The following DST variants were observed in gnomAD, a reference collection of about 807,000 sequenced individuals.
DST encodes the protein dystonin, also known as bullous pemphigoid antigen.
DST carries 253 observed loss-of-function variants against 875.2 expected under a neutral mutation model. The observed-to-expected ratio is 0.29, with a 90% CI of 0.26 to 0.32. The LOEUF (loss-of-function observed/expected upper bound fraction) is 0.32, where lower values mean the gene tolerates loss of function less well. DST is among the 10% of genes least tolerant of loss of function. The pLI is 1.00. For missense variants in DST, 8,287 were observed against 9,111.6 expected (o/e 0.91, Z 3.68); for synonymous variants, 3,124 against 3,197.1 (o/e 0.98, Z 0.77).
intron 63 of DST, among the ~76,000 whole-genome samples, chr6:56,534,411 G>C (rs963612878): frequency 8.6e-5 from 13 of 151,834 alleles, no homozygotes; most frequent in African/African-American, 3.1e-4. Flanking sequence ...TTGCTATCAG[G>C]GGCACAAAAA....
intron 4 of DST, among the ~76,000 whole-genome samples, chr6:56,797,909 G>C (rs529869585): frequency 3.4e-5 from 5 of 145,662 alleles, no homozygotes; most frequent in African/African-American, 1.0e-4. Flanking sequence ...CAGTGATCTA[G>C]ACAGAAATTC....
At chr6:56,780,668 T>C (rs534015384) in intron 4 of DST, among the ~76,000 whole-genome samples, 23 of 151,530 alleles carry the variant, frequency 1.5e-4, no homozygotes, top group Middle Eastern at 6.8e-3. Flanking sequence ...TTCTCCCATT[T>C]TGTAGGTTGC....
In DST at chr6:56,518,914, A is replaced by T. The variant is rs80204733; in HGVS notation, c.18130-1294T>A. Among the ~76,000 whole-genome samples, 1,481 of 152,314 alleles carry T rather than the reference A, an allele frequency of 9.7e-3. 25 individuals carry two copies. Among genetic ancestry groups the T allele is most frequent in the African/African-American group, 0.033 (1,363 of 41,564 alleles). ...GGTGGAGATAAGAAACTAGATTTTT[A>T]AAAATTCATACTTTAAAAACTCTGC... On this transcript the variant is annotated intron_variant, in intron 69 of 103. Transcript: ENST00000680361.
At chr6:56,657,722 T>C (rs1192564679) in intron 10 of DST, among the ~76,000 whole-genome samples, 1 of 152,188 alleles carries the variant, frequency 6.6e-6, no homozygotes, top group African/African-American at 2.4e-5. Flanking sequence ...TTAAAACTGA[T>C]TAAGATGGTA....
Position 56,561,552 on chromosome 6 carries a change from A to T in DST, c.14069-3T>A. 1 of 1,607,162 alleles carries T rather than the reference A, an allele frequency of 6.2e-7. No homozygotes were observed. The highest frequency in any genetic ancestry group is 8.5e-7 in the Non-Finnish European group (1 of 1,176,740). On this transcript the variant is annotated splice_polypyrimidine_tract_variant and splice_region_variant and intron_variant, in intron 56 of 103. Coordinates refer to ENST00000680361, the MANE Select transcript of DST (RefSeq NM_001374736.1). ...GTCCTTTTTAATGGATGTTAAACCT[A>T]GGAGTAAGAAAAACAACTATACTGA...
intron 4 of DST, among the ~76,000 whole-genome samples, chr6:56,849,737 C>T (rs1439952003): frequency 6.6e-6 from 1 of 152,172 alleles, no homozygotes; most frequent in African/African-American, 2.4e-5. Flanking sequence ...CCCTAACAAA[C>T]ACCTGCCCTG....
At chr6:56,702,842 C>T (rs1201477899) in intron 7 of DST, among the ~76,000 whole-genome samples, 1 of 152,086 alleles carries the variant, frequency 6.6e-6, no homozygotes, top group East Asian at 1.9e-4. Context: ...GACAGCTTGG[C>T]TTCTTCAATA....
At chr6:56,473,201 AT>A (rs987921379) in intron 93 of DST, among the ~76,000 whole-genome samples, 44 of 152,346 alleles carry the variant, frequency 2.9e-4, no homozygotes, top group African/African-American at 8.9e-4. Context: ...GAGTCTGGCT[AT>A]AGGGCTCTTA....
At chr6:56,840,358 TA>T (rs1200971087) in intron 4 of DST, among the ~76,000 whole-genome samples, 10 of 152,146 alleles carry the variant, frequency 6.6e-5, no homozygotes, top group African/African-American at 2.4e-4. Flanking sequence ...ACTATAGATA[TA>T]AAAGAAAGCC....
chr6:56,770,733 G>T (rs1318285910), intron 4 of DST, among the ~76,000 whole-genome samples: 1 of 152,168 alleles, frequency 6.6e-6, no homozygotes, highest in Admixed American at 6.5e-5. Flanking sequence ...GGGCACAGTG[G>T]CTCATGCCTG....
At chr6:56,800,174 C>T (rs148678289) in intron 4 of DST, among the ~76,000 whole-genome samples, 3 of 152,022 alleles carry the variant, frequency 2.0e-5, no homozygotes, top group African/African-American at 7.2e-5. Context: ...CTGTGGGAAC[C>T]GAGTAGACAA....
intron 2 of DST, among the ~76,000 whole-genome samples, chr6:56,907,854 T>C (rs1592335669): frequency 6.6e-6 from 1 of 152,182 alleles, no homozygotes; most frequent in East Asian, 1.9e-4. Flanking sequence ...AATTAACACG[T>C]TGACCCACTG....
rs754444028 is a variant in DST, at chr6:56,492,280, G to A, written c.20704C>T (p.Arg6902Trp). ...VQSRWEKVVQ[R>W]LVERGRSLDD... is the part of the protein sequence containing the mutation. The stretch of plus-strand genomic sequence containing the variant: ...AAAGATCTTCCTCTCTCTACCAACC[G>A]TTGAACCACTTTTTCCCATCGACTT... The change falls in exon 85 of 104, where the codon CGG becomes TGG. Residue 6902 changes from arginine to tryptophan, a missense_variant. Physicochemically the swap from Arg to Trp is moderately radical, Grantham distance 101. Coordinates refer to ENST00000680361, the MANE Select transcript of DST (RefSeq NM_001374736.1). 1.5e-5 allele frequency: 24 copies of A among 1,613,800 alleles called. No individual in the cohort carries two copies. In the East Asian group the frequency reaches 2.7e-4, roughly 18 times the overall value.
At chr6:56,594,864 C>T (rs1364062634) in intron 47 of DST, among the ~76,000 whole-genome samples, 1 of 152,184 alleles carries the variant, frequency 6.6e-6, no homozygotes, top group African/African-American at 2.4e-5. Context: ...ATATGTAGAG[C>T]ACTTCCTGCA....
intron 4 of DST, among the ~76,000 whole-genome samples, chr6:56,808,203 A>G (rs80040355): frequency 0.018 from 2,714 of 152,214 alleles, 66 homozygotes; most frequent in African/African-American, 0.061. Context: ...AAGCCCTAAC[A>G]AAGTCCACAA....
chr6:56,517,108 G>T, intron 71 of DST, 90 bp downstream of exon 71: 1 of 907,564 alleles, frequency 1.1e-6, no homozygotes, highest in Non-Finnish European at 1.8e-6. Flanking sequence ...GGCAGCTGTG[G>T]ATAACGGAGA....
In DST at chr6:56,611,658, T is replaced by A. The variant is rs9396226; in HGVS notation, c.5059-62A>T. 0.28 allele frequency: 306,593 copies of A among 1,110,092 alleles called. 45,068 individuals carry two copies. The highest frequency in any genetic ancestry group is 0.33 in the Admixed American group (13,002 of 39,974). 68.8% of individuals were successfully genotyped at this position (1,110,092 alleles called of 1,614,324 possible). A position where few individuals can be genotyped will look rare whatever the true frequency, so the allele number is the denominator to read the frequency against. ...CAAAAGGAGTAAACAGTATTTTTTT[T>A]AAAAAAAAGAAATTAATCAAGCTTT... On this transcript the variant is annotated intron_variant, in intron 37 of 103. Coordinates refer to ENST00000680361, the MANE Select transcript of DST (RefSeq NM_001374736.1).
In DST at chr6:56,508,661, C is replaced by T. The variant is rs1045433401; in HGVS notation, c.19107G>A (p.Glu6369=). 6.2e-7 allele frequency: 1 copy of T among 1,613,818 alleles called. No homozygotes were observed. Among genetic ancestry groups the T allele is most frequent in the Non-Finnish European group, 8.5e-7 (1 of 1,179,776 alleles). ...EREAKLLDVM[E]LAEKFWCDHM... is the part of the protein sequence containing the mutation. The stretch of plus-strand genomic sequence containing the variant: ...GATCACACCAGAACTTTTCTGCTAG[C>T]TCCATCACATCCAGTAGTTTGGCTT... Residue 6369 remains glutamate (E), a synonymous_variant, in exon 75 of 104, where the codon GAG becomes GAA. Coordinates refer to ENST00000680361, the MANE Select transcript of DST (RefSeq NM_001374736.1).
intron 97 of DST, 107 bp from the exon 98 acceptor site, chr6:56,469,106 G>A (rs2094743457): frequency 1.2e-6 from 1 of 853,810 alleles, no homozygotes; most frequent in Admixed American, 2.5e-5. Context: ...TCTGGATGTA[G>A]TATCTAGTTT....
Sources: gnomAD v4.1 joint callset for allele counts (sites outside exome capture counted in the v4.1 genomes callset) on GRCh38, gnomAD v4.1.1 for gene constraint, MANE v1.5 for transcripts, NCBI Gene and HGNC (gene_info 2026-07-23, HGNC 2026-07-21) for gene names.